Variants in ZNF804B observed in about 807,000 individuals in gnomAD.
ZNF804B encodes zinc finger protein 804B.
A neutral mutation model predicts 101.4 loss-of-function variants in ZNF804B; 80 were observed. The observed-to-expected ratio is 0.79, with a 90% CI of 0.66 to 0.95. The LOEUF (loss-of-function observed/expected upper bound fraction) is 0.95, where lower values mean the gene tolerates loss of function less well. Among genes scored for constraint, ZNF804B ranks in the 40% least tolerant of loss-of-function variants. The pLI, the probability that ZNF804B is intolerant of heterozygous loss-of-function variation, is 0.00. For synonymous variants in ZNF804B, 622 were observed against 558.8 expected (o/e 1.11, Z -1.59); for missense variants, 1,673 against 1,561.9 (o/e 1.07, Z -1.20).
intron 1 of ZNF804B, among the ~76,000 whole-genome samples, chr7:89,024,798 C>T (rs944886756): frequency 1.3e-5 from 2 of 151,558 alleles, no homozygotes; most frequent in Admixed American, 1.3e-4. Context: ...TCTGGTTATA[C>T]AAAATGATAT....
chr7:89,141,606 T>A (rs1040213518), intron 1 of ZNF804B, among the ~76,000 whole-genome samples: 1 of 151,970 alleles, frequency 6.6e-6, no homozygotes, highest in African/African-American at 2.4e-5. Flanking sequence ...TACATGGTAA[T>A]TCTATGTTTA....
At chr7:89,137,452 C>T (rs969367377) in intron 1 of ZNF804B, among the ~76,000 whole-genome samples, 1 of 152,024 alleles carries the variant, frequency 6.6e-6, no homozygotes, top group Non-Finnish European at 1.5e-5. Flanking sequence ...TTGTTGAGAA[C>T]TGGAGTTAAA....
At chr7:88,848,883 A>G (rs1221501660) in intron 1 of ZNF804B, among the ~76,000 whole-genome samples, 2 of 152,132 alleles carry the variant, frequency 1.3e-5, no homozygotes, top group East Asian at 3.9e-4. Context: ...GATTTCATGC[A>G]GTAGGTTAGA....
intron 1 of ZNF804B, among the ~76,000 whole-genome samples, chr7:88,892,730 T>G (rs981880608): frequency 6.6e-6 from 1 of 152,168 alleles, no homozygotes; most frequent in Non-Finnish European, 1.5e-5. Context: ...CTTTCTCCTG[T>G]TTTTGTTAAA....
chr7:88,935,364 G>T (rs545507255), intron 1 of ZNF804B, among the ~76,000 whole-genome samples: 2 of 113,050 alleles, frequency 1.8e-5, no homozygotes, highest in African/African-American at 3.8e-5. Flanking sequence ...TGAAGTAAAA[G>T]TAATTAAAAA....
chr7:89,307,556 A>G (rs111308448), intron 2 of ZNF804B, among the ~76,000 whole-genome samples: 2,821 of 152,102 alleles, frequency 0.019, 77 homozygotes, highest in African/African-American at 0.064. Context: ...TCTAGTGGCA[A>G]TTCATTCATT....
intron 1 of ZNF804B, among the ~76,000 whole-genome samples, chr7:88,886,754 A>T: frequency 6.6e-6 from 1 of 151,794 alleles, no homozygotes; most frequent in Non-Finnish European, 1.5e-5. Flanking sequence ...AAAACTTATG[A>T]AAAGTAAAAA....
At chr7:88,785,125 A>G (rs925495618) in intron 1 of ZNF804B, among the ~76,000 whole-genome samples, 15 of 152,102 alleles carry the variant, frequency 9.9e-5, no homozygotes, top group Admixed American at 3.9e-4. Context: ...TGGACAGTAT[A>G]ACGTTGATGA....
At chr7:89,269,938 G>C (rs1433416175) in intron 2 of ZNF804B, among the ~76,000 whole-genome samples, 1 of 151,908 alleles carries the variant, frequency 6.6e-6, no homozygotes, top group South Asian at 2.1e-4. Context: ...AAATTTGTTT[G>C]AGTTCTTTGT....
At chr7:88,926,821 C>T (rs903830524) in intron 1 of ZNF804B, among the ~76,000 whole-genome samples, 3 of 151,958 alleles carry the variant, frequency 2.0e-5, no homozygotes, top group Non-Finnish European at 4.4e-5. Flanking sequence ...ATTACCCTTA[C>T]AGCCAATGTA....
At chr7:89,278,966 A>G (rs1285966361) in intron 2 of ZNF804B, among the ~76,000 whole-genome samples, 2 of 152,050 alleles carry the variant, frequency 1.3e-5, no homozygotes, top group Non-Finnish European at 2.9e-5. Flanking sequence ...CACGATATTG[A>G]TTCTTCCTAT....
intron 2 of ZNF804B, among the ~76,000 whole-genome samples, chr7:89,284,273 A>G (rs964500565): frequency 6.6e-6 from 1 of 152,214 alleles, no homozygotes; most frequent in Admixed American, 6.5e-5. Context: ...TCATGTGGGA[A>G]GTTCATCTCT....
At chr7:88,940,089 CAAATT>C (rs1793035182) in intron 1 of ZNF804B, among the ~76,000 whole-genome samples, 1 of 151,848 alleles carries the variant, frequency 6.6e-6, no homozygotes, top group African/African-American at 2.4e-5. Flanking sequence ...AGTGTTCTCA[CAAATT>C]AATTATGTAC....
intron 1 of ZNF804B, among the ~76,000 whole-genome samples, chr7:89,077,109 C>T (rs758423819): frequency 4.4e-5 from 1 of 22,584 alleles, no homozygotes; most frequent in East Asian, 7.4e-4. Flanking sequence ...TGTTGCTTTC[C>T]CTGTCATAAT....
At chr7:89,332,239 G>A (rs1300180175) in intron 3 of ZNF804B, among the ~76,000 whole-genome samples, 4 of 151,572 alleles carry the variant, frequency 2.6e-5, no homozygotes, top group African/African-American at 4.8e-5. Flanking sequence ...TCTAGAGTTC[G>A]ATGCTGATTT....
rs1312165188 is a variant in ZNF804B at position 89,220,001 on chromosome 7, A to ATACATATATGTG, written c.249+1707_249+1708insACATATATGTGT. On this transcript the variant is annotated intron_variant, in intron 2 of 3. Coordinates refer to ENST00000333190, the MANE Select transcript of ZNF804B (RefSeq NM_181646.5). ...TATACATATGTGTGCATATATGTATATGCACATATATGTGTGTATACATAT... is the reference window on the plus strand; with the variant it reads ...TATACATATGTGTGCATATATGTATATACATATATGTGTGCACATATATGTGTGTATACATAT... 9.7e-4 allele frequency among the ~76,000 whole-genome samples: 132 copies of ATACATATATGTG among 135,414 alleles called. 36 individuals are homozygous for ATACATATATGTG. The highest frequency in any genetic ancestry group is 1.4e-3 in the Non-Finnish European group (87 of 63,336). 88.8% of individuals were successfully genotyped at this position (135,414 alleles called of 152,430 possible).
At chr7:89,045,247 G>A (rs112529699) in intron 1 of ZNF804B, among the ~76,000 whole-genome samples, 4,357 of 152,324 alleles carry the variant, frequency 0.029, 230 homozygotes, top group African/African-American at 0.099. Context: ...TTCAGACGAC[G>A]TATGGAAATG....
chr7:89,266,802 T>C (rs1193337799), intron 2 of ZNF804B, among the ~76,000 whole-genome samples: 1 of 152,030 alleles, frequency 6.6e-6, no homozygotes, highest in African/African-American at 2.4e-5. Flanking sequence ...AAAATAATTA[T>C]TTATCCTTTT....
At chr7:89,017,005 A>C (rs896786735) in intron 1 of ZNF804B, among the ~76,000 whole-genome samples, 15 of 151,906 alleles carry the variant, frequency 9.9e-5, no homozygotes, top group Admixed American at 9.8e-4. Context: ...GTCCTCTTTT[A>C]TTTCATTGAG....
Sources: gnomAD v4.1 joint callset for allele counts (sites outside exome capture counted in the v4.1 genomes callset) on GRCh38, gnomAD v4.1.1 for gene constraint, MANE v1.5 for transcripts, NCBI Gene and HGNC (gene_info 2026-07-23, HGNC 2026-07-21) for gene names.